The following ASIC5 variants were observed in gnomAD, a reference collection of about 807,000 sequenced individuals.
ASIC5 encodes acid sensing ion channel subunit family member 5.
A neutral mutation model predicts 51.2 loss-of-function variants in ASIC5; 52 were observed. That is an observed-to-expected ratio of 1.02 (90% CI 0.81 to 1.28). ASIC5 has a LOEUF of 1.28. Among genes scored for constraint, ASIC5 ranks in the 50% most tolerant of loss-of-function variants. The probability of loss-of-function intolerance (pLI) is 0.00; values close to 1 mark genes in which losing one functional copy is unlikely to be tolerated. For missense variants in ASIC5, 635 were observed against 595.0 expected, an observed-to-expected ratio of 1.07 and a Z score of -0.70; for synonymous variants, 231 against 200.7, an observed-to-expected ratio of 1.15 and a Z score of -1.28.
Position 155,832,192 on chromosome 4 carries a change from A to G in ASIC5, c.1236-277T>C, listed in dbSNP as rs531839625. Among the ~76,000 whole-genome samples, 18 of 152,360 alleles carry G rather than the reference A, an allele frequency of 1.2e-4. No individual in the cohort carries two copies. In the East Asian group the frequency reaches 3.3e-3, roughly 28 times the overall value. On this transcript the variant is annotated intron_variant, in intron 8 of 9. Transcript: ENST00000537611. ...AATATCTACTGAATAAAATATTTAC[A>G]AACATCTAAATGTGTGTTTGATTTT...
At chr4:155,838,962 A>G in intron 6 of ASIC5, 93 bp from the exon 7 acceptor site, 1 of 638,712 alleles carries the variant, frequency 1.6e-6, no homozygotes, top group African/African-American at 1.9e-5. Context: ...ACATCTATCC[A>G]TCCATTCATC....
At chr4:155,855,626 G>T (rs1741516874) in intron 2 of ASIC5, among the ~76,000 whole-genome samples, 2 of 151,264 alleles carry the variant, frequency 1.3e-5, no homozygotes. Flanking sequence ...TATGTGGTTT[G>T]TATGTCATAC....
chr4:155,854,492 C>T (rs975775095), intron 2 of ASIC5, among the ~76,000 whole-genome samples, 178 bp from the exon 3 acceptor site: 2 of 152,056 alleles, frequency 1.3e-5, no homozygotes, highest in African/African-American at 4.8e-5. Flanking sequence ...TGCAATTAAT[C>T]TTGTATTTGC....
At chr4:155,840,838 A>G (rs1341172020) in intron 6 of ASIC5, among the ~76,000 whole-genome samples, 2 of 152,114 alleles carry the variant, frequency 1.3e-5, no homozygotes, top group Non-Finnish European at 2.9e-5. Context: ...GTAAAAGCTA[A>G]GATCAGTGCT....
rs192400821 is a variant in ASIC5, at chr4:155,863,985, T to C, written c.41-231A>G. Among the ~76,000 whole-genome samples the C allele has an allele frequency of 3.3e-5, 5 of 152,330 alleles. No homozygotes were observed. The East Asian group carries it at 9.6e-4, about 29-fold the overall frequency. ...ATGCTAATGCTATTCATAGAACGGC[T>C]ATTATTAATGTAAATGTGTTAGTGG... On this transcript the variant is annotated intron_variant, in intron 1 of 9. Transcript: ENST00000537611.
At chr4:155,832,346 C>G (rs1740888529) in intron 8 of ASIC5, among the ~76,000 whole-genome samples, 1 of 152,014 alleles carries the variant, frequency 6.6e-6, no homozygotes, top group Non-Finnish European at 1.5e-5. Context: ...TGCAGTGAGG[C>G]AAAATTAAAT....
At chr4:155,837,667 T>TC (rs1741016885) in intron 7 of ASIC5, among the ~76,000 whole-genome samples, 3 of 152,144 alleles carry the variant, frequency 2.0e-5, no homozygotes, top group Non-Finnish European at 2.9e-5. Context: ...CTTTGACTTC[T>TC]CTAGGAGAAG....
rs200943498 is a variant in ASIC5, at chr4:155,829,903, G to C, written c.1471C>G (p.Pro491Ala). ...KISEMTQWTP[P>A]PQNHLGNKNR... ...TTATTTCCCAGATGATTCTGAGGTG[G>C]AGGAGTCCACTGGGTCATTTCAGAT... The change falls in exon 10 of 10, where the codon CCA becomes GCA. Residue 491 changes from proline (P) to alanine (A), a missense_variant. By Grantham distance (27) the Pro-to-Ala change is conservative (BLOSUM62 -1). Coordinates refer to ENST00000537611, the MANE Select transcript of ASIC5 (RefSeq NM_017419.3). The C allele has an allele frequency of 1.2e-4, 190 of 1,601,790 alleles. 1 individual carries two copies. The highest frequency in any genetic ancestry group is 3.4e-6 in the Non-Finnish European group (4 of 1,175,378).
chr4:155,854,034 AACTT>A, intron 3 of ASIC5, 39 bp downstream of exon 3: 1 of 1,432,420 alleles, frequency 7.0e-7, no homozygotes, highest in Non-Finnish European at 9.8e-7. Flanking sequence ...GCAGTAACGG[AACTT>A]ATTACTTTGA....
intron 8 of ASIC5, among the ~76,000 whole-genome samples, chr4:155,834,835 T>G (rs1176799820): frequency 6.6e-6 from 1 of 151,834 alleles, no homozygotes; most frequent in African/African-American, 2.4e-5. Flanking sequence ...AACAAACCAG[T>G]GATGGCAAAA....
intron 4 of ASIC5, among the ~76,000 whole-genome samples, chr4:155,848,641 C>A (rs912274622): frequency 6.6e-6 from 1 of 152,036 alleles, no homozygotes; most frequent in African/African-American, 2.4e-5. Context: ...CAATTGTGCT[C>A]ATGTTTTGGT....
chr4:155,854,147 T>A lies in ASIC5; in HGVS notation c.515A>T (p.Asn172Ile). 2 of 1,613,450 alleles carry A rather than the reference T, an allele frequency of 1.2e-6. No homozygotes were observed. The highest frequency in any genetic ancestry group is 8.5e-7 in the Non-Finnish European group (1 of 1,179,654). Residue 172 changes from asparagine (N) to isoleucine (I), a missense_variant, in exon 3 of 10, where the codon AAC (asparagine) becomes ATC (isoleucine). By Grantham distance (149) the Asn-to-Ile change is moderately radical (BLOSUM62 -3). Transcript: ENST00000537611. ...GCTATTGTTGAGATAAAAACCTTTG[T>A]TCCTGATAAATTCCACAATGCTGAA... ...QNFSIVEFIR[N>I]KGFYLNNSTL...
chr4:155,831,787 A>G, intron 9 of ASIC5, 37 bp downstream of exon 9: 1 of 1,279,314 alleles, frequency 7.8e-7, no homozygotes, highest in Non-Finnish European at 1.1e-6. Context: ...ATAAATAAGT[A>G]AATAAATAAA....
chr4:155,841,649 C>T (rs556958847), intron 6 of ASIC5, among the ~76,000 whole-genome samples: 12 of 152,256 alleles, frequency 7.9e-5, no homozygotes, highest in Middle Eastern at 6.8e-3. Flanking sequence ...ACAGTGAAAT[C>T]TTCAGGCTTG....
Position 155,834,350 on chromosome 4 carries a change from C to T in ASIC5, c.1235+2339G>A, listed in dbSNP as rs539891986. On this transcript the variant is annotated intron_variant, in intron 8 of 9. Transcript: ENST00000537611. ...TAAAATGACTGCTGCTAACATTTCA[C>T]ATTTGCCGTCCTGACAAACTGCACT... 2.1e-4 allele frequency among the ~76,000 whole-genome samples: 32 copies of T among 152,256 alleles called. 1 individual carries two copies. Among genetic ancestry groups the T allele is most frequent in the Middle Eastern group, 3.4e-3 (1 of 294 alleles).
intron 7 of ASIC5, among the ~76,000 whole-genome samples, chr4:155,837,465 G>T (rs1319619357): frequency 1.3e-5 from 2 of 152,122 alleles, no homozygotes; most frequent in African/African-American, 4.8e-5. Context: ...CCTGTAGCAG[G>T]TAGTGTTTGT....
intron 2 of ASIC5, chr4:155,855,161 T>C (rs1741499187): frequency 6.6e-6 from 1 of 152,074 alleles, no homozygotes; most frequent in Non-Finnish European, 1.5e-5. Context: ...TTCTAATTGT[T>C]ACAGCCACTT....
Position 155,865,248 on chromosome 4 carries a change from C to T in ASIC5, c.40+939G>A, listed in dbSNP as rs557781759. The T allele has an allele frequency of 7.9e-5, 12 of 151,862 alleles. No individual in the cohort carries two copies. In the South Asian group the frequency reaches 1.7e-3, roughly 21 times the overall value. The allele number at this position is 151,862 out of a possible 1,614,324, so 9.4% of individuals were successfully genotyped here. ...TTGGACTAAAATCTTAGAATAGCAC[C>T]GTTATTAATGTTGTTTTTAGTATAA... On this transcript the variant is annotated intron_variant, in intron 1 of 9. Transcript: ENST00000537611.
At chr4:155,856,720 A>G (rs998348363) in intron 2 of ASIC5, among the ~76,000 whole-genome samples, 1 of 152,092 alleles carries the variant, frequency 6.6e-6, no homozygotes, top group African/African-American at 2.4e-5. Context: ...ATATTGAGAG[A>G]TGGACCTCCA....
Sources: gnomAD v4.1 joint callset for allele counts (sites outside exome capture counted in the v4.1 genomes callset) on GRCh38, gnomAD v4.1.1 for gene constraint, MANE v1.5 for transcripts, NCBI Gene and HGNC (gene_info 2026-07-23, HGNC 2026-07-21) for gene names.